TMEM132C: variants seen among roughly 807,000 people sequenced by gnomAD.
TMEM132C encodes transmembrane protein 132C, also known as protein phosphatase 1, regulatory subunit 152.
In TMEM132C, 29 loss-of-function variants were observed where a neutral mutation model predicts 61.4. That is an observed-to-expected ratio of 0.47 (90% CI 0.35 to 0.64). The LOEUF (loss-of-function observed/expected upper bound fraction) is 0.64, where lower values mean the gene tolerates loss of function less well. TMEM132C is among the 30% of genes least tolerant of loss of function. The pLI is 0.00. For synonymous variants in TMEM132C, 656 were observed against 633.1 expected, an observed-to-expected ratio of 1.04 and a Z score of -0.54; for missense variants, 1,408 against 1,476.9, an observed-to-expected ratio of 0.95 and a Z score of 0.76.
chr12:128,665,933 T>A (rs1377046736), intron 4 of TMEM132C, among the ~76,000 whole-genome samples: 2 of 80,206 alleles, frequency 2.5e-5, no homozygotes, highest in Non-Finnish European at 2.5e-5. Context: ...TCACAGGGAC[T>A]CATACACAAA....
chr12:128,697,848 C>T (rs1954777237), intron 8 of TMEM132C, among the ~76,000 whole-genome samples: 1 of 152,180 alleles, frequency 6.6e-6, no homozygotes, highest in Admixed American at 6.5e-5. Context: ...TCTCTCTCAT[C>T]CTATTTGAGG....
intron 3 of TMEM132C, among the ~76,000 whole-genome samples, chr12:128,551,684 G>T (rs965857347): frequency 6.6e-6 from 1 of 152,194 alleles, no homozygotes; most frequent in African/African-American, 2.4e-5. Context: ...GTGCTGAAAG[G>T]CAGGAACACA....
chr12:128,644,996 C>T (rs1954185242), intron 4 of TMEM132C, among the ~76,000 whole-genome samples: 1 of 152,016 alleles, frequency 6.6e-6, no homozygotes, highest in Admixed American at 6.6e-5. Flanking sequence ...GGTTTGGGGG[C>T]GAACAGCGTT....
intron 3 of TMEM132C, among the ~76,000 whole-genome samples, chr12:128,609,564 G>A (rs564486583): frequency 6.6e-6 from 1 of 151,884 alleles, no homozygotes; most frequent in Non-Finnish European, 1.5e-5. Context: ...AGCCTGTTTG[G>A]CTTTTCAAAT....
chr12:128,598,832 G>C (rs1876062854), intron 3 of TMEM132C, among the ~76,000 whole-genome samples: 2 of 151,110 alleles, frequency 1.3e-5, no homozygotes, highest in African/African-American at 4.9e-5. Flanking sequence ...CTGAGCTGGA[G>C]GTGGGGCTGG....
intron 1 of TMEM132C, among the ~76,000 whole-genome samples, chr12:128,376,989 C>G (rs2135986976): frequency 6.6e-6 from 1 of 152,290 alleles, no homozygotes; most frequent in Non-Finnish European, 1.5e-5. Context: ...ACTGGACTCC[C>G]CTTCAGGGAG....
intron 2 of TMEM132C, among the ~76,000 whole-genome samples, chr12:128,494,341 A>T (rs1036450750): frequency 1.1e-4 from 16 of 152,218 alleles, no homozygotes; most frequent in Non-Finnish European, 1.8e-4. Flanking sequence ...AGGCTTTGCT[A>T]TCAGGATGAT....
At chr12:128,372,325 G>C (rs192076539) in intron 1 of TMEM132C, among the ~76,000 whole-genome samples, 60 of 152,338 alleles carry the variant, frequency 3.9e-4, no homozygotes, top group Non-Finnish European at 8.8e-5. Flanking sequence ...GTTAGTTTCA[G>C]TGAGGTTTTC....
chr12:128,305,334 T>C (rs1355435107), intron 1 of TMEM132C, among the ~76,000 whole-genome samples: 5 of 152,234 alleles, frequency 3.3e-5, no homozygotes, highest in Admixed American at 3.3e-4. Context: ...AGAGTTTTAT[T>C]TGTAAGGAGA....
At chr12:128,444,885 AAG>A (rs1369663741) in intron 2 of TMEM132C, among the ~76,000 whole-genome samples, 2 of 152,210 alleles carry the variant, frequency 1.3e-5, no homozygotes, top group African/African-American at 2.4e-5. Context: ...GTCAAGACCA[AAG>A]AACTCATTAA....
rs1171866426 is a variant in TMEM132C, at chr12:128,278,626, G to A, written c.85+11139G>A. ...CCTCTACCATTCACAGAGGCAAGAA[G>A]CCTACAAACATCAGCTTTTTACTAA... On this transcript the variant is annotated intron_variant, in intron 1 of 8. Transcript: ENST00000435159. The surrounding 1 kb of genome is among the most constrained non-coding windows in gnomAD (Gnocchi z 4.2). Among the ~76,000 whole-genome samples the A allele has an allele frequency of 6.6e-6, 1 of 152,170 alleles. No homozygotes were observed. The highest frequency in any genetic ancestry group is 1.5e-5 in the Non-Finnish European group (1 of 68,024).
intron 1 of TMEM132C, among the ~76,000 whole-genome samples, chr12:128,413,323 C>CAAAAAAAAAA (rs1868636138): frequency 1.6e-5 from 1 of 62,290 alleles, no homozygotes; most frequent in Non-Finnish European, 3.9e-5. Flanking sequence ...AAAAAAAAAC[C>CAAAAAAAAAA]AATGTTGCAA....
intron 2 of TMEM132C, among the ~76,000 whole-genome samples, chr12:128,493,952 T>G (rs1283748415): frequency 6.6e-6 from 1 of 152,162 alleles, no homozygotes; most frequent in Non-Finnish European, 1.5e-5. Flanking sequence ...ATGCTTCCAG[T>G]TTTTGCCCAT....
chr12:128,697,102 AAC>A, intron 7 of TMEM132C, 120 bp from the exon 8 acceptor site: 1 of 789,688 alleles, frequency 1.3e-6, no homozygotes, highest in Non-Finnish European at 1.9e-6. Context: ...GTAGATATGT[AAC>A]TCCTTTGCCC....
chr12:128,517,202 G>GCC (rs1872746690), intron 2 of TMEM132C, among the ~76,000 whole-genome samples: 2 of 151,718 alleles, frequency 1.3e-5, no homozygotes, highest in Admixed American at 1.3e-4. Flanking sequence ...CGGCACTCCA[G>GCC]CCTGAGTGAC....
intron 1 of TMEM132C, among the ~76,000 whole-genome samples, chr12:128,374,142 G>A (rs933165706): frequency 1.3e-5 from 2 of 152,164 alleles, no homozygotes; most frequent in Non-Finnish European, 2.9e-5. Context: ...GGTGGGGAGG[G>A]GCTCAGCATG....
intron 1 of TMEM132C, among the ~76,000 whole-genome samples, chr12:128,411,848 C>A (rs1314940383): frequency 6.6e-6 from 1 of 152,200 alleles, no homozygotes; most frequent in Non-Finnish European, 1.5e-5. Context: ...CAATCCCATT[C>A]TAACCCACTG....
In TMEM132C at chr12:128,623,421, T is replaced by TTA. The variant is rs199503150; in HGVS notation, c.1305+7098_1305+7099dup. On this transcript the variant is annotated intron_variant, in intron 4 of 8. Coordinates refer to ENST00000435159, the MANE Select transcript of TMEM132C (RefSeq NM_001136103.3). ...AGAACTTAAAGTATAAAGTATAATT[T>TTA]TATATATATATATGTATATATATAA... 7.6e-4 allele frequency among the ~76,000 whole-genome samples: 113 copies of TTA among 149,014 alleles called. 1 individual carries two copies. In the East Asian group the frequency reaches 0.012, roughly 16 times the overall value.
At chr12:128,694,097 A>C (rs928704324) in intron 6 of TMEM132C, 63 bp downstream of exon 6, 10 of 1,491,976 alleles carry the variant, frequency 6.7e-6, no homozygotes, top group Non-Finnish European at 7.3e-6. Context: ...TGACCTTAAC[A>C]CTAAAGGACC....
Sources: allele counts gnomAD v4.1 joint callset (sites outside exome capture counted in the v4.1 genomes callset), GRCh38; gene constraint gnomAD v4.1.1; non-coding constraint Gnocchi (gnomAD v3.1); transcripts MANE v1.5; gene names NCBI Gene and HGNC (gene_info 2026-07-23, HGNC 2026-07-21).